The following RGS2 variants were observed in gnomAD, a reference collection of about 807,000 sequenced individuals.
RGS2 encodes G0 to G1 switch regulatory 8, 24kD.
A neutral mutation model predicts 26.6 loss-of-function variants in RGS2; 20 were observed. The ratio of observed to expected loss-of-function variants is 0.75; its 90% confidence interval spans 0.53 to 1.09. The LOEUF (loss-of-function observed/expected upper bound fraction) is 1.09. Ranked by LOEUF, RGS2 falls within the 50% of genes least tolerant of loss-of-function variation. The pLI is 0.00. For synonymous variants in RGS2, 97 were observed against 79.9 expected (o/e 1.21, Z -1.14); for missense variants, 246 against 245.5 (o/e 1.00, Z -0.01).
intron 3 of RGS2, chr1:192,810,773 A>G (rs1665578394): frequency 1.6e-6 from 1 of 637,068 alleles, no homozygotes; most frequent in East Asian, 2.7e-5. Flanking sequence ...CAAAGTACTT[A>G]TATTTTTGCA....
At chr1:192,810,810 C>T (rs1665578796) in intron 3 of RGS2, 171 bp from the exon 4 acceptor site, 1 of 726,636 alleles carries the variant, frequency 1.4e-6, no homozygotes, top group South Asian at 1.7e-5. Flanking sequence ...AGCCTTTTGC[C>T]TACTGGTATC....
chr1:192,809,088 T>G lies in RGS2; in HGVS notation c.17T>G (p.Phe6Cys). Residue 6 changes from phenylalanine to cysteine, a missense_variant, in exon 1 of 5, where the codon TTC (phenylalanine) becomes TGC (cysteine). Coordinates refer to ENST00000235382, the MANE Select transcript of RGS2 (RefSeq NM_002923.4). ...AGAACGATAATGCAAAGTGCTATGT[T>G]CTTGGCTGTTCAACACGACTGCAGA... MQSAM[F>C]LAVQHDCRPM... The G allele has an allele frequency of 6.2e-7, 1 of 1,613,546 alleles. No homozygotes were observed. The highest frequency in any genetic ancestry group is 8.5e-7 in the Non-Finnish European group (1 of 1,179,490).
At position 192,811,055 on chromosome 1, in the gene RGS2, G is replaced by T. The variant is rs767213298; in HGVS notation, c.349G>T (p.Glu117Ter). The T allele has an allele frequency of 6.2e-7, 1 of 1,614,042 alleles. No individual in the cohort carries two copies. Among genetic ancestry groups the T allele is most frequent in the East Asian group, 2.2e-5 (1 of 44,870 alleles). Residue 117 changes from glutamate (E) to a stop codon, truncating the protein, a stop_gained, in exon 4 of 5, where the codon GAA becomes TAA. Coordinates refer to ENST00000235382, the MANE Select transcript of RGS2 (RefSeq NM_002923.4). LOFTEE classifies it high-confidence loss of function. ...AAATATTGAATTCTGGCTGGCCTGT[G>T]AAGACTTCAAAAAAACCAAATCACC... Reference protein sequence around the residue: ...EENIEFWLACEDFKKTKSPQK... With the variant: ...EENIEFWLAC
intron 1 of RGS2, chr1:192,809,576 C>T (rs1665552775): frequency 3.1e-6 from 1 of 319,624 alleles, no homozygotes; most frequent in African/African-American, 2.2e-5. Flanking sequence ...GTTTAAAATC[C>T]ATTTTTGTTT....
intron 2 of RGS2, 29 bp downstream of exon 2, chr1:192,810,296 A>C (rs1557910533): frequency 6.2e-7 from 1 of 1,606,536 alleles, no homozygotes. Flanking sequence ...GCTTGCAAAT[A>C]TCAATAGTTA....
At position 192,811,488 on chromosome 1, in the gene RGS2, G is replaced by A. The variant is rs765543153; in HGVS notation, c.528G>A (p.Arg176=). ...GCTGCTTTACAACTGCCCAGAAAAG[G>A]GTATACAGCTTGATGGAGAACAACT... The part of the protein sequence containing the change: ...TSGCFTTAQK[R]VYSLMENNSY... The change falls in exon 5 of 5, where the codon AGG becomes AGA. Residue 176 remains arginine, a synonymous_variant. Coordinates refer to ENST00000235382, the MANE Select transcript of RGS2 (RefSeq NM_002923.4). 1 of 1,614,012 alleles carries A rather than the reference G, an allele frequency of 6.2e-7. No homozygotes were observed.
chr1:192,810,099 C>A, intron 1 of RGS2, 67 bp from the exon 2 acceptor site: 1 of 994,274 alleles, frequency 1.0e-6, no homozygotes, highest in Non-Finnish European at 1.6e-6. Context: ...GGTAAAAATG[C>A]GTTCAGCTGC....
Position 192,811,778 on chromosome 1 carries a change from T to G in RGS2, c.*182T>G. On this transcript the variant is annotated 3_prime_UTR_variant, in exon 5 of 5. Coordinates refer to ENST00000235382, the MANE Select transcript of RGS2 (RefSeq NM_002923.4). ...CCAGTAACTGACTAGGAGAAGCTGG[T>G]ATCAGAACAGCTTCCCTCACTGTGT... is the stretch of plus-strand genomic sequence containing the variant. 1 of 659,318 alleles carries G rather than the reference T, an allele frequency of 1.5e-6. No individual in the cohort carries two copies. The highest frequency in any genetic ancestry group is 2.7e-6 in the Non-Finnish European group (1 of 366,524). 40.8% of individuals were successfully genotyped at this position (659,318 alleles called of 1,614,324 possible).
At chr1:192,810,931 G>T in intron 3 of RGS2, 50 bp from the exon 4 acceptor site, 1 of 1,496,544 alleles carries the variant, frequency 6.7e-7, no homozygotes, top group African/African-American at 1.4e-5. Flanking sequence ...GGAATCATTT[G>T]GTCTCTCAGT....
chr1:192,810,441 C>T lies in RGS2; in HGVS notation c.274+10C>T, dbSNP rs772262559. On this transcript the variant is annotated intron_variant, in intron 3 of 4. Coordinates refer to ENST00000235382, the MANE Select transcript of RGS2 (RefSeq NM_002923.4). ...CTGCTAGCCAGCAAATGTAAGTTAA[C>T]TCTTGAGCTTGAGCCATTGCTAACA... The T allele has an allele frequency of 3.7e-6, 6 of 1,613,278 alleles. No individual in the cohort carries two copies. The African/African-American group carries it at 8.0e-5, about 22-fold the overall frequency.
At chr1:192,810,557 T>C (rs1375995121) in intron 3 of RGS2, 126 bp downstream of exon 3, 10 of 829,288 alleles carry the variant, frequency 1.2e-5, no homozygotes, top group Non-Finnish European at 1.9e-5. Flanking sequence ...ATAAAGCCTG[T>C]TTTTCTTTCC....
chr1:192,809,088 T>C lies in RGS2; in HGVS notation c.17T>C (p.Phe6Ser). 1 of 1,613,546 alleles carries C rather than the reference T, an allele frequency of 6.2e-7. No homozygotes were observed. ...AGAACGATAATGCAAAGTGCTATGTTCTTGGCTGTTCAACACGACTGCAGA... is the reference window on the plus strand; with the variant it reads ...AGAACGATAATGCAAAGTGCTATGTCCTTGGCTGTTCAACACGACTGCAGA... MQSAMFLAVQHDCRPM... is the reference protein window; with the variant it reads MQSAMSLAVQHDCRPM... The change falls in exon 1 of 5, where the codon TTC becomes TCC. Residue 6 changes from phenylalanine to serine, a missense_variant. Coordinates refer to ENST00000235382, the MANE Select transcript of RGS2 (RefSeq NM_002923.4).
Position 192,811,073 on chromosome 1 carries a change from A to G in RGS2, c.367A>G (p.Lys123Glu). Residue 123 changes from lysine (K) to glutamate (E), a missense_variant, in exon 4 of 5, where the codon AAA (lysine) becomes GAA (glutamate). Lys to Glu is a moderately conservative substitution (Grantham distance 56, BLOSUM62 1). Transcript: ENST00000235382. ...WLACEDFKKT[K>E]SPQKLSSKAR... is the part of the protein sequence containing the mutation. ...GGCCTGTGAAGACTTCAAAAAAACCAAATCACCCCAAAAGCTGTCCTCAAA... is the reference window on the plus strand; with the variant it reads ...GGCCTGTGAAGACTTCAAAAAAACCGAATCACCCCAAAAGCTGTCCTCAAA... 9.3e-6 allele frequency: 15 copies of G among 1,614,172 alleles called. No individual in the cohort carries two copies. Among genetic ancestry groups the G allele is most frequent in the Non-Finnish European group, 1.3e-5 (15 of 1,180,014 alleles).
chr1:192,809,249 T>A, intron 1 of RGS2, 68 bp downstream of exon 1: 1 of 1,159,766 alleles, frequency 8.6e-7, no homozygotes, highest in Non-Finnish European at 1.3e-6. Context: ...ACGCGGTACT[T>A]TCGGGCTCGC....
intron 3 of RGS2, 124 bp downstream of exon 3, chr1:192,810,555 T>C: frequency 2.4e-6 from 2 of 832,044 alleles, no homozygotes; most frequent in Non-Finnish European, 4.1e-6. Flanking sequence ...GGATAAAGCC[T>C]GTTTTTCTTT....
At position 192,812,037 on chromosome 1, in the gene RGS2, T is replaced by C. The variant is rs1665600903; in HGVS notation, c.*441T>C. 4.0e-6 allele frequency: 1 copy of C among 251,958 alleles called. No individual in the cohort carries two copies. The highest frequency in any genetic ancestry group is 8.0e-6 in the Non-Finnish European group (1 of 125,476). The allele number at this position is 251,958 out of a possible 1,614,324, so 15.6% of individuals were successfully genotyped here. On this transcript the variant is annotated 3_prime_UTR_variant, in exon 5 of 5. Coordinates refer to ENST00000235382, the MANE Select transcript of RGS2 (RefSeq NM_002923.4). ...CAGTAACAGTGAAGTGTTTACTATG[T>C]GCAACGGTATTGAAGTTCTTATGAC...
At chr1:192,811,207 CAA>C (rs10607546) in intron 4 of RGS2, 60 bp downstream of exon 4, 429,850 of 1,589,458 alleles carry the variant, frequency 0.27, 59,580 homozygotes, top group East Asian at 0.44. Context: ...AAAAGTGAAA[CAA>C]AGTAATCAAG....
rs1346955842 is a variant in RGS2 at position 192,811,624 on chromosome 1, G to A, written c.*28G>A. The A allele has an allele frequency of 6.3e-7, 1 of 1,598,690 alleles. No individual in the cohort carries two copies. The highest frequency in any genetic ancestry group is 1.7e-5 in the Admixed American group (1 of 59,998). On this transcript the variant is annotated 3_prime_UTR_variant, in exon 5 of 5. Transcript: ENST00000235382. The stretch of plus-strand genomic sequence containing the variant: ...TGTAAAAGGGAGCCCAGAAATGGAG[G>A]ACATTTCATTCTTTTTCCTGAGGGG...
Position 192,810,174 on chromosome 1 carries a change from A to T in RGS2, c.119A>T (p.Asp40Val). The T allele has an allele frequency of 6.2e-7, 1 of 1,605,994 alleles. No homozygotes were observed. Among genetic ancestry groups the T allele is most frequent in the Non-Finnish European group, 8.5e-7 (1 of 1,172,618 alleles). Reference protein sequence around the residue: ...REKMKRTLLKDWKTRLSYFLQ... With the variant: ...REKMKRTLLKVWKTRLSYFLQ... ...TTAATTTTTTGTTTTAGTTTAAAAGATTGGAAGACCCGTTTGAGCTACTTC... is the reference window on the plus strand; with the variant it reads ...TTAATTTTTTGTTTTAGTTTAAAAGTTTGGAAGACCCGTTTGAGCTACTTC... Residue 40 changes from aspartate (D) to valine (V), a missense_variant, in exon 2 of 5, where the codon GAT (aspartate) becomes GTT (valine). Physicochemically the swap from Asp to Val is radical, Grantham distance 152. Transcript: ENST00000235382.
Sources: gnomAD v4.1 joint callset for allele counts on GRCh38, gnomAD v4.1.1 for gene constraint, MANE v1.5 for transcripts, NCBI Gene and HGNC (gene_info 2026-07-23, HGNC 2026-07-21) for gene names.